Variants in CDH3 observed in about 807,000 individuals in gnomAD.
CDH3 encodes cadherin-3.
A neutral mutation model predicts 82.0 loss-of-function variants in CDH3; 54 were observed. That is an observed-to-expected ratio of 0.66 (90% CI 0.53 to 0.83). The LOEUF is 0.83. Ranked by LOEUF, CDH3 falls within the 40% of genes least tolerant of loss-of-function variation. The probability of loss-of-function intolerance (pLI) is 0.00; values close to 1 mark genes in which losing one functional copy is unlikely to be tolerated. For missense variants in CDH3, 1,054 were observed against 1,084.6 expected (o/e 0.97, Z 0.40); for synonymous variants, 446 against 437.9 (o/e 1.02, Z -0.23).
intron 9 of CDH3, among the ~76,000 whole-genome samples, chr16:68,683,373 C>G (rs185637230): frequency 0.018 from 2,748 of 151,938 alleles, 48 homozygotes; most frequent in Admixed American, 0.037. Context: ...AAATCCAGAC[C>G]GGGTGCTGTG....
At chr16:68,704,912 A>T (rs1294419411), downstream of CDH3, among the ~76,000 whole-genome samples, 1 of 152,068 alleles carries the variant, frequency 6.6e-6, no homozygotes, top group African/African-American at 2.4e-5. Flanking sequence ...ATTTTTTTTG[A>T]TTCATCTGAG....
chr16:68,672,201 A>AAAAAT (rs59027614), intron 2 of CDH3, among the ~76,000 whole-genome samples: 38 of 145,220 alleles, frequency 2.6e-4, no homozygotes, highest in African/African-American at 9.8e-4. Flanking sequence ...AAAAAAAAAA[A>AAAAAT]AAATAAATAA....
intron 2 of CDH3, among the ~76,000 whole-genome samples, chr16:68,660,685 G>A (rs993791089): frequency 4.6e-5 from 7 of 152,256 alleles, no homozygotes; most frequent in South Asian, 2.1e-4. Context: ...TAGGCTGGGC[G>A]CTGGGGCTCA....
intron 1 of CDH3, among the ~76,000 whole-genome samples, chr16:68,719,502 CTTTTTTTTTTTTT>C (rs71148939): frequency 2.7e-5 from 2 of 74,512 alleles, no homozygotes; most frequent in Admixed American, 2.0e-4. Context: ...TGGAACTGTT[CTTTTTTTTTTTTT>C]TTTTTTTTTT....
chr16:68,708,670 G>C (rs1961993408), intron 1 of CDH3, among the ~76,000 whole-genome samples: 1 of 148,752 alleles, frequency 6.7e-6, no homozygotes, highest in Non-Finnish European at 1.5e-5. Flanking sequence ...TTGAGACCGA[G>C]TCTCGCTCTG....
intron 2 of CDH3, among the ~76,000 whole-genome samples, chr16:68,666,917 A>G (rs890919863): frequency 2.0e-5 from 3 of 151,640 alleles, no homozygotes; most frequent in African/African-American, 7.3e-5. Context: ...TTTTTTCCCT[A>G]TTAAGCAAGT....
chr16:68,691,753 T>G lies in CDH3; in HGVS notation c.1829T>G (p.Leu610Arg). 1 of 1,614,200 alleles carries G rather than the reference T, an allele frequency of 6.2e-7. No homozygotes were observed. The highest frequency in any genetic ancestry group is 1.1e-5 in the South Asian group (1 of 91,086). ...GTGGTCTTGTCCCTGAAGAAGTTCC[T>G]GAAGCAGGATACATATGACGTGCAC... ...DTVVLSLKKF[L>R]KQDTYDVHLS... Residue 610 changes from leucine (L) to arginine (R), a missense_variant, in exon 13 of 16, where the codon CTG becomes CGG. Physicochemically the swap from Leu to Arg is moderately radical, Grantham distance 102 (BLOSUM62 -2). Coordinates refer to ENST00000264012, the MANE Select transcript of CDH3 (RefSeq NM_001793.6).
chr16:68,669,637 G>C (rs1960833485), intron 2 of CDH3, among the ~76,000 whole-genome samples: 1 of 151,940 alleles, frequency 6.6e-6, no homozygotes, highest in Admixed American at 6.6e-5. Context: ...GGCGGTAGCA[G>C]CTCTCAGAGT....
At chr16:68,667,634 G>A (rs1201104631) in intron 2 of CDH3, among the ~76,000 whole-genome samples, 1 of 152,136 alleles carries the variant, frequency 6.6e-6, no homozygotes, top group African/African-American at 2.4e-5. Flanking sequence ...GAACATAAGA[G>A]GAATGAGTTC....
intron 2 of CDH3, among the ~76,000 whole-genome samples, chr16:68,673,972 A>T (rs1353798025): frequency 6.6e-6 from 1 of 152,134 alleles, no homozygotes; most frequent in Non-Finnish European, 1.5e-5. Flanking sequence ...CCTTTTGACT[A>T]TTATGAATAA....
chr16:68,706,366 G>A (rs1027360604), intron 1 of CDH3, among the ~76,000 whole-genome samples: 1 of 151,940 alleles, frequency 6.6e-6, no homozygotes, highest in Non-Finnish European at 1.5e-5. Flanking sequence ...AGCACCACCA[G>A]GCTCCTTGTG....
downstream of CDH3, among the ~76,000 whole-genome samples, chr16:68,701,797 G>A (rs1204102974): frequency 1.3e-5 from 2 of 151,842 alleles, no homozygotes; most frequent in East Asian, 2.0e-4. Context: ...AGGCTGAGGC[G>A]GGCGGATTAT....
chr16:68,692,239 G>GT (rs1961600484), intron 13 of CDH3, among the ~76,000 whole-genome samples: 1 of 152,050 alleles, frequency 6.6e-6, no homozygotes, highest in Non-Finnish European at 1.5e-5. Flanking sequence ...GCCTCACTAT[G>GT]TTGCCCAGGC....
intron 2 of CDH3, among the ~76,000 whole-genome samples, chr16:68,675,165 T>C (rs1421969471): frequency 6.6e-6 from 1 of 152,198 alleles, no homozygotes; most frequent in South Asian, 2.1e-4. Flanking sequence ...TCATCTGTTA[T>C]CCTTTCTTAT....
At chr16:68,671,926 C>T (rs1043619452) in intron 2 of CDH3, among the ~76,000 whole-genome samples, 1 of 152,062 alleles carries the variant, frequency 6.6e-6, no homozygotes, top group African/African-American at 2.4e-5. Context: ...TTTGGAGGGA[C>T]ACAACTCGTG....
At chr16:68,705,123 C>G (rs932296369), downstream of CDH3, among the ~76,000 whole-genome samples, 1 of 152,258 alleles carries the variant, frequency 6.6e-6, no homozygotes, top group African/African-American at 2.4e-5. Flanking sequence ...GCAGCAGAGA[C>G]AGTTTTGGGG....
intron 2 of CDH3, among the ~76,000 whole-genome samples, chr16:68,664,519 A>T (rs1162832342): frequency 6.6e-6 from 1 of 152,194 alleles, no homozygotes; most frequent in Non-Finnish European, 1.5e-5. Flanking sequence ...TGGATTTTTT[A>T]AATTGTTTGC....
rs75542308 is a variant in CDH3 at position 68,688,916 on chromosome 16, G to C, written c.1795+1180G>C. ...ATTACAAGCATGAGCCACCACACCT[G>C]GCCTATCAGGATTTTAATCTAGGCA... On this transcript the variant is annotated intron_variant, in intron 12 of 15. Coordinates refer to ENST00000264012, the MANE Select transcript of CDH3 (RefSeq NM_001793.6). Among the ~76,000 whole-genome samples, 324 of 152,240 alleles carry C rather than the reference G, an allele frequency of 2.1e-3. 2 individuals carry two copies. Among genetic ancestry groups the C allele is most frequent in the Non-Finnish European group, 3.7e-3 (249 of 68,024 alleles).
intron 3 of CDH3, among the ~76,000 whole-genome samples, chr16:68,677,204 G>A (rs16958283): frequency 1.8e-3 from 277 of 152,218 alleles, no homozygotes; most frequent in African/African-American, 6.3e-3. Context: ...CTACTTAACA[G>A]TGTATCAGCA....
Sources: allele counts gnomAD v4.1 joint callset (sites outside exome capture counted in the v4.1 genomes callset), GRCh38; gene constraint gnomAD v4.1.1; transcripts MANE v1.5; gene names NCBI Gene and HGNC (gene_info 2026-07-23, HGNC 2026-07-21).